The following SLC19A3 variants were observed in gnomAD, a reference collection of about 807,000 sequenced individuals.
SLC19A3 encodes the protein thiamine transporter 2.
A neutral mutation model predicts 40.2 loss-of-function variants in SLC19A3; 31 were observed. The observed-to-expected ratio is 0.77, with a 90% CI of 0.58 to 1.04. The LOEUF (loss-of-function observed/expected upper bound fraction) is 1.04. Ranked by LOEUF, SLC19A3 falls within the 50% of genes least tolerant of loss-of-function variation. SLC19A3 has a pLI of 0.00. For missense variants in SLC19A3, 592 were observed against 596.7 expected, an observed-to-expected ratio of 0.99 and a Z score of 0.08; for synonymous variants, 212 against 227.5, an observed-to-expected ratio of 0.93 and a Z score of 0.61.
At chr2:227,716,897 G>T (rs574751112) in intron 1 of SLC19A3, among the ~76,000 whole-genome samples, 22 of 150,488 alleles carry the variant, frequency 1.5e-4, no homozygotes, top group African/African-American at 5.1e-4. Context: ...GTTATGTTTT[G>T]GTCTATTTAA....
chr2:227,713,985 G>T, intron 1 of SLC19A3, among the ~76,000 whole-genome samples: 1 of 151,964 alleles, frequency 6.6e-6, no homozygotes, highest in Non-Finnish European at 1.5e-5. Flanking sequence ...GGAGGTGGGG[G>T]TGGGTAAGAA....
At position 227,695,927 on chromosome 2, in the gene SLC19A3, T is replaced by C; in HGVS notation, c.1134A>G (p.Ile378Met). Residue 378 changes from isoleucine to methionine, a missense_variant, in exon 4 of 6, where the codon ATA becomes ATG. Coordinates refer to ENST00000644224, the MANE Select transcript of SLC19A3 (RefSeq NM_025243.4). Reference protein sequence around the residue: ...NIWACYAGYLIFKSSYMLLIT... With the variant: ...NIWACYAGYLMFKSSYMLLIT... The stretch of plus-strand genomic sequence containing the variant: ...TAAGAAGCATATAGCTGGACTTGAA[T>C]ATCAAATAGCCAGCATAGCACGCCC... 2.5e-6 allele frequency: 4 copies of C among 1,614,174 alleles called. No individual in the cohort carries two copies. Among genetic ancestry groups the C allele is most frequent in the Non-Finnish European group, 3.4e-6 (4 of 1,180,038 alleles).
chr2:227,707,022 C>G (rs1269467467), intron 1 of SLC19A3, among the ~76,000 whole-genome samples: 2 of 152,128 alleles, frequency 1.3e-5, no homozygotes, highest in Non-Finnish European at 2.9e-5. Context: ...TGAGCTTTGG[C>G]CTTTGCTCCA....
At position 227,687,216 on chromosome 2, in the gene SLC19A3, T is replaced by A; in HGVS notation, c.*181A>T. ...GACGGGTCCTGTCAATTGCATCCAG[T>A]AAAATTGGTCACATAGAGAACTCAT... On this transcript the variant is annotated 3_prime_UTR_variant, in exon 6 of 6. Coordinates refer to ENST00000644224, the MANE Select transcript of SLC19A3 (RefSeq NM_025243.4). 1.7e-6 allele frequency: 1 copy of A among 586,634 alleles called. No homozygotes were observed. The highest frequency in any genetic ancestry group is 2.6e-5 in the South Asian group (1 of 38,950). The allele number at this position is 586,634 out of a possible 1,614,324, so 36.3% of individuals were successfully genotyped here. A position where few individuals can be genotyped will look rare whatever the true frequency, so the allele number is the denominator to read the frequency against.
intron 3 of SLC19A3, 28 bp downstream of exon 3, chr2:227,698,708 A>G (rs767804675): frequency 3.1e-6 from 5 of 1,594,574 alleles, no homozygotes; most frequent in Non-Finnish European, 4.3e-6. Context: ...TAAAGCCAAC[A>G]AAGGAAGATT....
At chr2:227,715,731 G>A (rs1037043070) in intron 1 of SLC19A3, among the ~76,000 whole-genome samples, 3 of 151,918 alleles carry the variant, frequency 2.0e-5, no homozygotes, top group Admixed American at 1.3e-4. Flanking sequence ...AACATAAAAC[G>A]GCTTAGAAAG....
At chr2:227,704,978 T>G (rs1368224647) in intron 1 of SLC19A3, among the ~76,000 whole-genome samples, 3 of 151,924 alleles carry the variant, frequency 2.0e-5, no homozygotes, top group East Asian at 3.9e-4. Context: ...CTTCCTGGGT[T>G]CAAGTGATTC....
intron 4 of SLC19A3, among the ~76,000 whole-genome samples, chr2:227,690,813 C>G (rs935866569): frequency 2.0e-5 from 3 of 147,294 alleles, no homozygotes; most frequent in Non-Finnish European, 4.5e-5. Context: ...GAATCCAATA[C>G]AGTAATAGTT....
At chr2:227,689,546 C>A (rs1327727202) in intron 4 of SLC19A3, among the ~76,000 whole-genome samples, 1 of 152,118 alleles carries the variant, frequency 6.6e-6, no homozygotes, top group African/African-American at 2.4e-5. Flanking sequence ...AAGACCATCC[C>A]AGACAAATAG....
chr2:227,714,848 T>C (rs1289070292), intron 1 of SLC19A3, among the ~76,000 whole-genome samples: 1 of 132,452 alleles, frequency 7.5e-6, no homozygotes, highest in Non-Finnish European at 1.6e-5. Flanking sequence ...TCTCCCTCTG[T>C]CACCCAGGCT....
chr2:227,715,233 T>C (rs1340533978), intron 1 of SLC19A3, among the ~76,000 whole-genome samples: 4 of 150,298 alleles, frequency 2.7e-5, no homozygotes, highest in African/African-American at 9.7e-5. Context: ...TCTATAATCC[T>C]TTATGTCAAA....
Position 227,698,862 on chromosome 2 carries a change from A to G in SLC19A3, c.853T>C (p.Trp285Arg). Reference sequence around the variant, plus strand: ...TTAAAACCTGCTGTGGCGAAAGCCCACCATAGAGACCAGTAGAAAAGACGT... The same window carrying G: ...TTAAAACCTGCTGTGGCGAAAGCCCGCCATAGAGACCAGTAGAAAAGACGT... Reference protein sequence around the residue: ...SKRLFYWSLWWAFATAGFNQV... With the variant: ...SKRLFYWSLWRAFATAGFNQV... The change falls in exon 3 of 6, where the codon TGG (tryptophan) becomes CGG (arginine). Residue 285 changes from tryptophan to arginine, a missense_variant. By Grantham distance (101) the Trp-to-Arg change is moderately radical (BLOSUM62 -3). Coordinates refer to ENST00000644224, the MANE Select transcript of SLC19A3 (RefSeq NM_025243.4). 1 of 1,614,194 alleles carries G rather than the reference A, an allele frequency of 6.2e-7. No individual in the cohort carries two copies. Among genetic ancestry groups the G allele is most frequent in the Non-Finnish European group, 8.5e-7 (1 of 1,180,016 alleles).
intron 1 of SLC19A3, among the ~76,000 whole-genome samples, chr2:227,716,993 C>CTTTTTT (rs61164911): frequency 3.0e-5 from 2 of 67,140 alleles, no homozygotes; most frequent in Non-Finnish European, 5.1e-5. Context: ...CATGAGAGTG[C>CTTTTTT]TTTTTTTTTT....
At chr2:227,709,196 C>T (rs1362997211) in intron 1 of SLC19A3, among the ~76,000 whole-genome samples, 2 of 152,098 alleles carry the variant, frequency 1.3e-5, no homozygotes, top group East Asian at 1.9e-4. Flanking sequence ...ACTGCAGAAA[C>T]TGAGGCCGGG....
rs1559250167 is a variant in SLC19A3, at chr2:227,699,304, C to T, written c.411G>A (p.Gln137=). Residue 137 remains glutamine, a synonymous_variant, in exon 3 of 6, where the codon CAG becomes CAA. Coordinates refer to ENST00000644224, the MANE Select transcript of SLC19A3 (RefSeq NM_025243.4). ...CGCTCCTGCAGTAGCCGCTCACTCTCTGGTAGTGCTCGGGGCTGACCACGC... is the reference window on the plus strand; with the variant it reads ...CGCTCCTGCAGTAGCCGCTCACTCTTTGGTAGTGCTCGGGGCTGACCACGC... The part of the protein sequence containing the change: ...IYSVVSPEHY[Q]RVSGYCRSVT... 1.2e-6 allele frequency: 2 copies of T among 1,614,182 alleles called. No homozygotes were observed. Among genetic ancestry groups the T allele is most frequent in the East Asian group, 2.2e-5 (1 of 44,880 alleles).
Position 227,698,881 on chromosome 2 carries a change from A to G in SLC19A3, c.834T>C (p.Leu278=). ...DLKECYSSKR[L]FYWSLWWAFA... ...AAGCCCACCATAGAGACCAGTAGAA[A>G]AGACGTTTTGAGGAGTAGCACTCCT... The change falls in exon 3 of 6, where the codon CTT becomes CTC. Residue 278 remains leucine (L), a synonymous_variant. Coordinates refer to ENST00000644224, the MANE Select transcript of SLC19A3 (RefSeq NM_025243.4). 2 of 1,614,140 alleles carry G rather than the reference A, an allele frequency of 1.2e-6. No individual in the cohort carries two copies. The highest frequency in any genetic ancestry group is 1.7e-6 in the Non-Finnish European group (2 of 1,180,010).
chr2:227,687,454 A>T lies in SLC19A3; in HGVS notation c.1434T>A (p.Asn478Lys). 1 of 1,614,096 alleles carries T rather than the reference A, an allele frequency of 6.2e-7. No homozygotes were observed. The highest frequency in any genetic ancestry group is 8.5e-7 in the Non-Finnish European group (1 of 1,179,954). ...KDVQSPAPSE[N>K]PDVSHPEEES... ...CTTCCTCTGGGTGAGACACATCTGG[A>T]TTCTCACTTGGAGCAGGGCTCTGTA... Residue 478 changes from asparagine to lysine, a missense_variant, in exon 6 of 6, where the codon AAT becomes AAA. Physicochemically the swap from Asn to Lys is moderately conservative, Grantham distance 94. Coordinates refer to ENST00000644224, the MANE Select transcript of SLC19A3 (RefSeq NM_025243.4).
intron 3 of SLC19A3, among the ~76,000 whole-genome samples, chr2:227,698,291 G>A (rs1301527882): frequency 2.0e-5 from 3 of 151,728 alleles, no homozygotes; most frequent in East Asian, 2.0e-4. Context: ...CTCCCAAGTA[G>A]CTGGGACTAC....
At chr2:227,692,732 G>A (rs1695280850) in intron 4 of SLC19A3, among the ~76,000 whole-genome samples, 1 of 152,106 alleles carries the variant, frequency 6.6e-6, no homozygotes, top group Admixed American at 6.5e-5. Flanking sequence ...GAAATAAAGG[G>A]CATCCACATT....
Sources: allele counts gnomAD v4.1 joint callset (sites outside exome capture counted in the v4.1 genomes callset), GRCh38; gene constraint gnomAD v4.1.1; transcripts MANE v1.5; gene names NCBI Gene and HGNC (gene_info 2026-07-23, HGNC 2026-07-21).